Variants in SYT7 observed in about 807,000 individuals in gnomAD.
SYT7 encodes synaptotagmin-7.
SYT7 carries 29 observed loss-of-function variants against 75.1 expected under a neutral mutation model. That is an observed-to-expected ratio of 0.39 (90% confidence interval 0.29 to 0.53). The LOEUF is 0.53. Among genes scored for constraint, SYT7 ranks in the 20% least tolerant of loss-of-function variants. SYT7 has a pLI of 0.77. For missense variants in SYT7, 693 were observed against 953.2 expected, an observed-to-expected ratio of 0.73 and a Z score of 3.59; for synonymous variants, 376 against 401.7, an observed-to-expected ratio of 0.94 and a Z score of 0.76.
chr11:61,562,548 C>A (rs1360210511), intron 1 of SYT7, among the ~76,000 whole-genome samples: 1 of 152,190 alleles, frequency 6.6e-6, no homozygotes, highest in African/African-American at 2.4e-5. Context: ...ATATCTGGGG[C>A]ACGGAGTTGG....
At chr11:61,571,729 G>T (rs984380586) in intron 1 of SYT7, among the ~76,000 whole-genome samples, 6 of 152,210 alleles carry the variant, frequency 3.9e-5, no homozygotes, top group African/African-American at 1.4e-4. Flanking sequence ...GGAGAGAAAG[G>T]CATCAACTGG....
Position 61,545,274 on chromosome 11 carries a change from C to T in SYT7, c.572+757G>A, listed in dbSNP as rs375221340. On this transcript the variant is annotated intron_variant, in intron 5 of 12. Transcript: ENST00000539008. ...GCTCAGACAGCTATTACAGAGGGGACGGCTCCTTCTGCCTGATGTCTAGAA... is the reference window on the plus strand; with the variant it reads ...GCTCAGACAGCTATTACAGAGGGGATGGCTCCTTCTGCCTGATGTCTAGAA... 1.1e-4 allele frequency among the ~76,000 whole-genome samples: 17 copies of T among 152,314 alleles called. No individual in the cohort carries two copies. In the East Asian group the frequency reaches 2.5e-3, roughly 23 times the overall value.
intron 1 of SYT7, among the ~76,000 whole-genome samples, chr11:61,573,547 A>G (rs1030317506): frequency 7.9e-5 from 12 of 152,244 alleles, no homozygotes; most frequent in African/African-American, 2.2e-4. Context: ...AGTTCTTTAT[A>G]GAGATCTGCT....
At chr11:61,585,155 T>C (rs1183180028), upstream of SYT7, among the ~76,000 whole-genome samples, 3 of 152,226 alleles carry the variant, frequency 2.0e-5, no homozygotes. Context: ...CTGGCTCTGT[T>C]GCTAGGCCAT....
Position 61,546,571 on chromosome 11 carries a change from G to T in SYT7, c.348-316C>A. On this transcript the variant is annotated intron_variant, in intron 4 of 12. Transcript: ENST00000539008. The surrounding 1 kb of genome is among the most constrained non-coding windows in gnomAD (Gnocchi z 7.6). Reference sequence around the variant, plus strand: ...AGGGGGGGCCCCTCCCCACCGCCTGGGGCAGGGGCGGCGGGGGTTGGGGGA... The same window carrying T: ...AGGGGGGGCCCCTCCCCACCGCCTGTGGCAGGGGCGGCGGGGGTTGGGGGA... The T allele has an allele frequency of 2.1e-6, 1 of 487,342 alleles. No individual in the cohort carries two copies. The highest frequency in any genetic ancestry group is 4.0e-6 in the Non-Finnish European group (1 of 251,762). The allele number at this position is 487,342 out of a possible 1,614,324, so 30.2% of individuals were successfully genotyped here. A position where few individuals can be genotyped will look rare whatever the true frequency, so the allele number is the denominator to read the frequency against.
Position 61,541,951 on chromosome 11 carries a change from C to G in SYT7, c.941+260G>C, listed in dbSNP as rs188497648. On this transcript the variant is annotated intron_variant, in intron 6 of 12. Transcript: ENST00000539008. ...CTCAGGGCATTGTCCAGTGTCTCCA[C>G]CTTTTAGGGGGAACTTCCCTGAGCC... 5.6e-4 allele frequency among the ~76,000 whole-genome samples: 85 copies of G among 152,270 alleles called. 1 individual carries two copies. The East Asian group carries it at 0.016, about 28-fold the overall frequency.
Position 61,528,277 on chromosome 11 carries a change from C to T in SYT7, c.1201-92G>A, listed in dbSNP as rs1293688556. 6.7e-6 allele frequency: 10 copies of T among 1,486,864 alleles called. No homozygotes were observed. The African/African-American group carries it at 8.3e-5, about 12-fold the overall frequency. The allele number at this position is 1,486,864 out of a possible 1,614,324, so 92.1% of individuals were successfully genotyped here. On this transcript the variant is annotated intron_variant, in intron 8 of 12. Transcript: ENST00000539008. ...GCTAGCACGGGTGAGAGGCCAGAGG[C>T]GGTGGCCCAGCCCACACTCACATCC...
intron 1 of SYT7, among the ~76,000 whole-genome samples, chr11:61,567,438 T>A (rs1372527400): frequency 6.6e-6 from 1 of 152,012 alleles, no homozygotes; most frequent in Non-Finnish European, 1.5e-5. Flanking sequence ...GGCTGCGCCC[T>A]CTTCCAGGTC....
chr11:61,521,033 G>T (rs1295673060), intron 12 of SYT7, among the ~76,000 whole-genome samples: 1 of 152,220 alleles, frequency 6.6e-6, no homozygotes, highest in Non-Finnish European at 1.5e-5. Flanking sequence ...TCAGCCAGCG[G>T]CTCCATCCTG....
intron 2 of SYT7, among the ~76,000 whole-genome samples, chr11:61,552,956 G>A (rs113186771): frequency 0.015 from 2,245 of 152,250 alleles, 52 homozygotes; most frequent in African/African-American, 0.051. Flanking sequence ...CTCCCACAGA[G>A]GCAAGGCTGT....
chr11:61,542,129 A>C lies in SYT7; in HGVS notation c.941+82T>G. 1 of 1,465,504 alleles carries C rather than the reference A, an allele frequency of 6.8e-7. No homozygotes were observed. The highest frequency in any genetic ancestry group is 1.4e-5 in the South Asian group (1 of 73,492). 90.8% of individuals were successfully genotyped at this position (1,465,504 alleles called of 1,614,324 possible). On this transcript the variant is annotated intron_variant, in intron 6 of 12. Transcript: ENST00000539008. The surrounding 1 kb of genome is among the most constrained non-coding windows in gnomAD (Gnocchi z 7.8). ...GATGGAGGGCCGGGAGGTACACACAACCAGCTGCTCCCAAGGAGATCTGGG... is the reference window on the plus strand; with the variant it reads ...GATGGAGGGCCGGGAGGTACACACACCCAGCTGCTCCCAAGGAGATCTGGG...
Position 61,542,440 on chromosome 11 carries a change from G to T in SYT7, c.712C>A (p.Arg238=). 1 of 1,532,572 alleles carries T rather than the reference G, an allele frequency of 6.5e-7. No homozygotes were observed. The highest frequency in any genetic ancestry group is 8.7e-7 in the Non-Finnish European group (1 of 1,145,876). The allele number at this position is 1,532,572 out of a possible 1,614,324, so 94.9% of individuals were successfully genotyped here. A position where few individuals can be genotyped will look rare whatever the true frequency, so the allele number is the denominator to read the frequency against. ...QQPLSQHQRG[R]QPSQPTTSQS... ...CTGGTGGTGGGCTGGCTGGGCTGCCGGCCCCGCTGGTGCTGGCTCAGCGGC... is the reference window on the plus strand; with the variant it reads ...CTGGTGGTGGGCTGGCTGGGCTGCCTGCCCCGCTGGTGCTGGCTCAGCGGC... The change falls in exon 6 of 13, where the codon CGG becomes AGG. Residue 238 remains arginine (R), a synonymous_variant. Coordinates refer to ENST00000539008, the MANE Select transcript of SYT7 (RefSeq NM_001365809.2). The surrounding 1 kb of genome is among the most constrained non-coding windows in gnomAD (Gnocchi z 7.8).
At chr11:61,579,002 G>A (rs1030824054) in intron 1 of SYT7, among the ~76,000 whole-genome samples, 1 of 152,184 alleles carries the variant, frequency 6.6e-6, no homozygotes, top group Non-Finnish European at 1.5e-5. Context: ...TGCCAAGCAC[G>A]TCAAGCTGGC....
rs1391987382 is a variant in SYT7, at chr11:61,546,096, C to T, written c.507G>A (p.Lys169=). ...CCGTCCGCCAGCGGCCTCTCCCCGC[C>T]TTGCCACCGCTGCCCGGCTCGCTGG... ...AAPSEPGSGG[K]AGRGRWRTVQ... is the part of the protein sequence containing the mutation. Residue 169 remains lysine, a synonymous_variant, in exon 5 of 13, where the codon AAG becomes AAA. Coordinates refer to ENST00000539008, the MANE Select transcript of SYT7 (RefSeq NM_001365809.2). This position sits in a 1 kb window ranked among gnomAD's most constrained non-coding sequence, Gnocchi z 7.6. 2 of 1,531,850 alleles carry T rather than the reference C, an allele frequency of 1.3e-6. No homozygotes were observed. The highest frequency in any genetic ancestry group is 4.9e-5 in the East Asian group (2 of 40,478). The allele number at this position is 1,531,850 out of a possible 1,614,324, so 94.9% of individuals were successfully genotyped here.
chr11:61,527,838 G>A (rs2062570013), intron 9 of SYT7, 77 bp downstream of exon 9: 1 of 1,551,886 alleles, frequency 6.4e-7, no homozygotes, highest in South Asian at 1.2e-5. Context: ...TGTGCATGTG[G>A]CCACAAGTGT....
intron 1 of SYT7, among the ~76,000 whole-genome samples, chr11:61,569,837 G>A (rs529256105): frequency 4.6e-5 from 7 of 152,280 alleles, no homozygotes; most frequent in South Asian, 2.1e-4. Context: ...CTTTCTCTAC[G>A]TCATTGTCCT....
chr11:61,561,501 C>G (rs947001673), intron 1 of SYT7, among the ~76,000 whole-genome samples: 7 of 152,186 alleles, frequency 4.6e-5, no homozygotes, highest in Non-Finnish European at 1.0e-4. Flanking sequence ...CATGCCACCC[C>G]CCAAGGAGAT....
chr11:61,532,900 G>A (rs1337091837), intron 8 of SYT7, 89 bp downstream of exon 8: 1 of 1,553,808 alleles, frequency 6.4e-7, no homozygotes, highest in Non-Finnish European at 8.7e-7. Context: ...CTCCCATGCT[G>A]TTAATCATTC....
rs865807355 is a variant in SYT7, at chr11:61,551,391, C to T, written c.208G>A (p.Ala70Thr). ...TAGCAGCCTGGCACCTACTTGATAG[C>T]CTTCTTCTCACTGCGCCCACGCCCT... ...DSGRGRSEKK[A>T]INDLDRDFWN... The change falls in exon 3 of 13, where the codon GCT (alanine) becomes ACT (threonine). Residue 70 changes from alanine (A) to threonine (T), a missense_variant. Physicochemically the swap from Ala to Thr is moderately conservative, Grantham distance 58. This residue lies in a region of SYT7 where 487 missense variants were observed against 593.2 expected (regional missense o/e 0.82). Coordinates refer to ENST00000539008, the MANE Select transcript of SYT7 (RefSeq NM_001365809.2). This position sits in a 1 kb window ranked among gnomAD's most constrained non-coding sequence, Gnocchi z 5.3. 2.5e-6 allele frequency: 4 copies of T among 1,613,808 alleles called. No homozygotes were observed. Among genetic ancestry groups the T allele is most frequent in the Middle Eastern group, 1.6e-4 (1 of 6,062 alleles).
Sources: allele counts gnomAD v4.1 joint callset (sites outside exome capture counted in the v4.1 genomes callset), GRCh38; gene constraint gnomAD v4.1.1; regional missense constraint gnomAD v4.1.1; non-coding constraint Gnocchi (gnomAD v3.1); transcripts MANE v1.5; gene names NCBI Gene and HGNC (gene_info 2026-07-23, HGNC 2026-07-21).